Variants in TBRG4 observed in about 807,000 individuals in gnomAD.
TBRG4 encodes the protein transforming growth factor beta regulator 4, also known as FAST kinase domain-containing protein 4.
A neutral mutation model predicts 65.6 loss-of-function variants in TBRG4; 43 were observed. The observed-to-expected ratio is 0.66, with a 90% confidence interval of 0.51 to 0.85. The LOEUF is 0.85. Ranked by LOEUF, TBRG4 falls within the 40% of genes least tolerant of loss-of-function variation. The pLI, the probability that TBRG4 is intolerant of heterozygous loss-of-function variation, is 0.00. For missense variants in TBRG4, 709 were observed against 787.9 expected, an observed-to-expected ratio of 0.90 and a Z score of 1.20; for synonymous variants, 366 against 341.4, an observed-to-expected ratio of 1.07 and a Z score of -0.79.
chr7:45,101,158 C>T (rs1040799750), intron 10 of TBRG4, 100 bp downstream of exon 10: 37 of 1,163,090 alleles, frequency 3.2e-5, no homozygotes, highest in Non-Finnish European at 4.5e-5. Context: ...ACGGGCAGGG[C>T]ATGTGTCTAT....
chr7:45,101,793 C>T (rs768764992), intron 8 of TBRG4, 32 bp downstream of exon 8: 3 of 1,601,122 alleles, frequency 1.9e-6, no homozygotes, highest in South Asian at 2.2e-5. Flanking sequence ...CAGGCAATGC[C>T]AGGCCCTGTG....
chr7:45,100,905 C>T (rs1025322450), intron 10 of TBRG4, among the ~76,000 whole-genome samples: 1 of 152,248 alleles, frequency 6.6e-6, no homozygotes, highest in Non-Finnish European at 1.5e-5. Context: ...TGACAACAGG[C>T]GCTGACCAAG....
In TBRG4 at chr7:45,104,572, C is replaced by A; in HGVS notation, c.873G>T (p.Thr291=). 6.2e-7 allele frequency: 1 copy of A among 1,613,982 alleles called. No individual in the cohort carries two copies. The highest frequency in any genetic ancestry group is 8.5e-7 in the Non-Finnish European group (1 of 1,180,008). ...AGGCCACGTCCAAGAGCACATCTTT[C>A]GTCAGAGAGAAGGGCTTCTGCACCA... is the stretch of plus-strand genomic sequence containing the variant. The part of the protein sequence containing the change: ...YHLVQKPFSL[T]KDVLLDVAYA... The change falls in exon 4 of 11, where the codon ACG becomes ACT. Residue 291 remains threonine (T), a synonymous_variant. Transcript: ENST00000258770.
At chr7:45,103,713 A>C in intron 5 of TBRG4, 1 of 534,084 alleles carries the variant, frequency 1.9e-6, no homozygotes, top group Non-Finnish European at 3.3e-6. Context: ...CCAACCAGTA[A>C]ACTTAGTTTA....
chr7:45,105,953 C>G (rs749115976), intron 2 of TBRG4, 189 bp from the exon 3 acceptor site: 1 of 835,312 alleles, frequency 1.2e-6, no homozygotes, highest in African/African-American at 1.7e-5. Flanking sequence ...TGCTCAGCCT[C>G]GAGGCCTAGA....
chr7:45,101,178 C>T, intron 10 of TBRG4, 80 bp downstream of exon 10: 2 of 1,419,398 alleles, frequency 1.4e-6, no homozygotes, highest in South Asian at 2.6e-5. Flanking sequence ...TACCTGCTGG[C>T]TCAGTTCCAC....
chr7:45,103,960 A>T, intron 5 of TBRG4, 139 bp downstream of exon 5: 2 of 1,225,404 alleles, frequency 1.6e-6, no homozygotes, highest in Non-Finnish European at 2.2e-6. Context: ...TTTCAAAATA[A>T]GCCAAAATGC....
chr7:45,106,604 T>G (rs1025770048), intron 2 of TBRG4: 121 of 152,634 alleles, frequency 7.9e-4, no homozygotes, highest in African/African-American at 2.9e-3. Flanking sequence ...GGTGAAACCC[T>G]GTGCCTATTA....
chr7:45,104,270 C>CA lies in TBRG4; in HGVS notation c.908-15dup. The CA allele has an allele frequency of 1.2e-6, 2 of 1,613,338 alleles. No homozygotes were observed. The highest frequency in any genetic ancestry group is 1.7e-6 in the Non-Finnish European group (2 of 1,179,700). On this transcript the variant is annotated splice_polypyrimidine_tract_variant and intron_variant, in intron 4 of 10. Transcript: ENST00000258770. ...AGCTGAGTTTGCCTTCAGGACAGAGCAGATCACAGGGTTTAGCTGGAGAGA... is the reference window on the plus strand; with the variant it reads ...AGCTGAGTTTGCCTTCAGGACAGAGCAAGATCACAGGGTTTAGCTGGAGAGA...
chr7:45,105,903 T>C (rs1784938133), intron 2 of TBRG4, 139 bp from the exon 3 acceptor site: 5 of 1,091,370 alleles, frequency 4.6e-6, no homozygotes, highest in Middle Eastern at 2.1e-4. Context: ...CCCCACTCCA[T>C]TGTAACAGGG....
Position 45,109,180 on chromosome 7 carries a change from C to A in TBRG4, c.58G>T (p.Ala20Ser). The A allele has an allele frequency of 6.2e-7, 1 of 1,613,368 alleles. No homozygotes were observed. Among genetic ancestry groups the A allele is most frequent in the Non-Finnish European group, 8.5e-7 (1 of 1,179,618 alleles). Residue 20 changes from alanine (A) to serine (S), a missense_variant, in exon 2 of 11, where the codon GCC (alanine) becomes TCC (serine). Ala to Ser is a moderately conservative substitution (Grantham distance 99). Transcript: ENST00000258770. ...TCLLREAARQ[A>S]PAMAPVGRLR... ...CGGCCAACTGGAGCCATGGCAGGGG[C>A]CTGACGAGCAGCTTCTCTCAGGAGG... is the stretch of plus-strand genomic sequence containing the variant.
chr7:45,108,834 T>C lies in TBRG4; in HGVS notation c.404A>G (p.Asn135Ser), dbSNP rs768925792. The C allele has an allele frequency of 1.5e-5, 23 of 1,534,574 alleles. No individual in the cohort carries two copies. In the South Asian group the frequency reaches 1.6e-4, roughly 10 times the overall value. Reference protein sequence around the residue: ...AHFHQLLCLLNSQIASVWHGT... With the variant: ...AHFHQLLCLLSSQIASVWHGT... ...CCACACTCCGGCACCCACCTGACTG[T>C]TGAGCAGACAGAGAAGTTGATGAAA... is the stretch of plus-strand genomic sequence containing the variant. Residue 135 changes from asparagine (N) to serine (S), a missense_variant, in exon 2 of 11, where the codon AAC becomes AGC. Transcript: ENST00000258770.
intron 1 of TBRG4, chr7:45,111,427 G>T: frequency 3.0e-6 from 1 of 330,064 alleles, no homozygotes. Context: ...GGTCAACAGG[G>T]GCGGCGTCTT....
chr7:45,105,576 C>G lies in TBRG4; in HGVS notation c.600G>C (p.Ser200=). The G allele has an allele frequency of 6.2e-7, 1 of 1,614,164 alleles. No individual in the cohort carries two copies. The highest frequency in any genetic ancestry group is 8.5e-7 in the Non-Finnish European group (1 of 1,180,030). ...SCATLSQEQH[S]QELLAELLTH... ...TGAGCAGCTCAGCCAGCAGCTCCTGCGAGTGCTGCTCCTGTGAGAGGGTGG... is the reference window on the plus strand; with the variant it reads ...TGAGCAGCTCAGCCAGCAGCTCCTGGGAGTGCTGCTCCTGTGAGAGGGTGG... The change falls in exon 3 of 11, where the codon TCG becomes TCC. Residue 200 remains serine, a synonymous_variant. Transcript: ENST00000258770.
At chr7:45,102,512 G>A in intron 6 of TBRG4, 21 bp from the exon 7 acceptor site, 1 of 1,603,266 alleles carries the variant, frequency 6.2e-7, no homozygotes, top group Non-Finnish European at 8.5e-7. Flanking sequence ...ATAGAGTGTG[G>A]TGGAGAAAGC....
In TBRG4 at chr7:45,100,331, G is replaced by A; in HGVS notation, c.1890C>T (p.Ala630=). Residue 630 remains alanine (A), a synonymous_variant, in exon 11 of 11, where the codon GCC becomes GCT. Transcript: ENST00000258770. ...KMRKAVAEEL[A]K ...TCCATGCTGCTGGCACAAGTCACTT[G>A]GCCAGCTCCTCAGCCACCGCTTTGC... The A allele has an allele frequency of 6.2e-7, 1 of 1,613,892 alleles. No homozygotes were observed. The highest frequency in any genetic ancestry group is 8.5e-7 in the Non-Finnish European group (1 of 1,179,864).
At chr7:45,104,347 T>C in intron 4 of TBRG4, 91 bp from the exon 5 acceptor site, 1 of 1,597,956 alleles carries the variant, frequency 6.3e-7, no homozygotes, top group Non-Finnish European at 8.6e-7. Context: ...GGTCTAGATA[T>C]TTGATGTCTG....
At chr7:45,106,239 G>A in intron 2 of TBRG4, 1 of 338,804 alleles carries the variant, frequency 3.0e-6, no homozygotes, top group Non-Finnish European at 5.9e-6. Flanking sequence ...TTGCAAGCAA[G>A]AACTCTAGAG....
chr7:45,103,034 G>A (rs1170548143), intron 6 of TBRG4: 1 of 465,082 alleles, frequency 2.2e-6, no homozygotes, highest in Non-Finnish European at 4.0e-6. Flanking sequence ...CCCTGAGCTG[G>A]TGCACATAGC....
Sources: allele counts gnomAD v4.1 joint callset (sites outside exome capture counted in the v4.1 genomes callset), GRCh38; gene constraint gnomAD v4.1.1; transcripts MANE v1.5; gene names NCBI Gene and HGNC (gene_info 2026-07-23, HGNC 2026-07-21).